CFAP46: variants seen among roughly 807,000 people sequenced by gnomAD.
The protein encoded by CFAP46 is cilia and flagella associated protein 46.
CFAP46 carries 245 observed loss-of-function variants against 325.7 expected under a neutral mutation model. The observed-to-expected ratio is 0.75, with a 90% CI of 0.68 to 0.84. The LOEUF is 0.84. Ranked by LOEUF, CFAP46 falls within the 40% of genes least tolerant of loss-of-function variation. The pLI is 0.00. For missense variants in CFAP46, 3,346 were observed against 3,543.0 expected, an observed-to-expected ratio of 0.94 and a Z score of 1.41; for synonymous variants, 1,523 against 1,495.9, an observed-to-expected ratio of 1.02 and a Z score of -0.42.
Position 132,919,270 on chromosome 10 carries a change from C to A in CFAP46, c.1858+45G>T. On this transcript the variant is annotated intron_variant, in intron 15 of 57. Transcript: ENST00000368586. The surrounding 1 kb of genome is among the most constrained non-coding windows in gnomAD (Gnocchi z 9.7). Reference sequence around the variant, plus strand: ...CACAACCCTTCCCACACCCAGAGGGCGGCCGTGGCCAGGCTGGGACACACT... The same window carrying A: ...CACAACCCTTCCCACACCCAGAGGGAGGCCGTGGCCAGGCTGGGACACACT... The A allele has an allele frequency of 6.6e-7, 1 of 1,520,914 alleles. No homozygotes were observed. The highest frequency in any genetic ancestry group is 8.8e-7 in the Non-Finnish European group (1 of 1,130,144). 94.2% of individuals were successfully genotyped at this position (1,520,914 alleles called of 1,614,324 possible).
rs747871451 is a variant in CFAP46 at position 132,913,212 on chromosome 10, G to T, written c.2167C>A (p.Arg723Ser). The change falls in exon 18 of 58, where the codon CGC becomes AGC. Residue 723 changes from arginine to serine, a missense_variant. Transcript: ENST00000368586. ...ATCTCCTGTCCGATCTCTGCGGAGC[G>T]CAGCCAGTTATTCATGGCACACCGG... ...LSRCAMNNWL[R>S]SAEIGQEIQE... is the part of the protein sequence containing the mutation. The T allele has an allele frequency of 6.4e-7, 1 of 1,550,460 alleles. No individual in the cohort carries two copies. Among genetic ancestry groups the T allele is most frequent in the South Asian group, 1.2e-5 (1 of 84,058 alleles).
rs560427021 is a variant in CFAP46, at chr10:132,828,860, C to T, written c.7117+4498G>A. ...CCTTCCTCCGCTCAGCGTCCTCGTC[C>T]CTTTGCCAGCCACCACCCGGCTGTG... is the stretch of plus-strand genomic sequence containing the variant. On this transcript the variant is annotated intron_variant, in intron 50 of 57. Transcript: ENST00000368586. The surrounding 1 kb of genome is among the most constrained non-coding windows in gnomAD (Gnocchi z 4.9). Among the ~76,000 whole-genome samples the T allele has an allele frequency of 6.6e-6, 1 of 152,220 alleles. No individual in the cohort carries two copies. The highest frequency in any genetic ancestry group is 6.5e-5 in the Admixed American group (1 of 15,298).
In CFAP46 at chr10:132,918,377, C is replaced by T. The variant is rs1271214626; in HGVS notation, c.1986+16G>A. 3 of 1,531,696 alleles carry T rather than the reference C, an allele frequency of 2.0e-6. No homozygotes were observed. The highest frequency in any genetic ancestry group is 2.5e-5 in the East Asian group (1 of 40,380). The allele number at this position is 1,531,696 out of a possible 1,614,324, so 94.9% of individuals were successfully genotyped here. ...ACGCACCTCAGCACCGATGAACCCC[C>T]CTCTCCATGACGCACCTCAGCATGG... On this transcript the variant is annotated intron_variant, in intron 16 of 57. Transcript: ENST00000368586.
chr10:132,857,884 G>T, intron 38 of CFAP46, 96 bp from the exon 39 acceptor site: 2 of 1,091,094 alleles, frequency 1.8e-6, no homozygotes, highest in Non-Finnish European at 2.6e-6. Context: ...TTTTATTAGT[G>T]CTTAAAATGA....
At chr10:132,822,303 C>T (rs1423700920) in intron 50 of CFAP46, among the ~76,000 whole-genome samples, 1 of 90,348 alleles carries the variant, frequency 1.1e-5, no homozygotes, top group Non-Finnish European at 2.1e-5. Flanking sequence ...GATGTGTGCA[C>T]TGTGTGCTGT....
chr10:132,913,406 T>G, intron 17 of CFAP46, 148 bp from the exon 18 acceptor site: 1 of 666,430 alleles, frequency 1.5e-6, no homozygotes, highest in Non-Finnish European at 2.5e-6. Flanking sequence ...CATCTGCATT[T>G]ACAGTCGCCC....
At position 132,939,482 on chromosome 10, in the gene CFAP46, T is replaced by C. The variant is rs900269624; in HGVS notation, c.372-729A>G. Among the ~76,000 whole-genome samples the C allele has an allele frequency of 8.5e-5, 13 of 152,150 alleles. No individual in the cohort carries two copies. Among genetic ancestry groups the C allele is most frequent in the Non-Finnish European group, 1.2e-4 (8 of 68,014 alleles). On this transcript the variant is annotated intron_variant, in intron 4 of 57. Transcript: ENST00000368586. This position sits in a 1 kb window ranked among gnomAD's most constrained non-coding sequence, Gnocchi z 4.6. ...ACAGTGGGGCAGGCCAGCTCTGCCATGTAGGGCCTGTGTGCCTTGTGGTCC... is the reference window on the plus strand; with the variant it reads ...ACAGTGGGGCAGGCCAGCTCTGCCACGTAGGGCCTGTGTGCCTTGTGGTCC...
intron 50 of CFAP46, among the ~76,000 whole-genome samples, chr10:132,815,852 G>A (rs537415667): frequency 6.6e-6 from 1 of 152,258 alleles, no homozygotes; most frequent in South Asian, 2.1e-4. Context: ...TGTATTTTTT[G>A]TGCTGTTCTG....
rs1361007781 is a variant in CFAP46 at position 132,920,126 on chromosome 10, G to A, written c.1663C>T (p.His555Tyr). ...GCAGCTTTGTCCACGCTGACGGTGT[G>A]GTGCCACGCCTTCGCACAGAGGTAG... Reference protein sequence around the residue: ...FTYLCAKAWHHTVSVDKAAGH... With the variant: ...FTYLCAKAWHYTVSVDKAAGH... Residue 555 changes from histidine (H) to tyrosine (Y), a missense_variant, in exon 14 of 58, where the codon CAC becomes TAC. His to Tyr is a moderately conservative substitution (Grantham distance 83). Coordinates refer to ENST00000368586, the MANE Select transcript of CFAP46 (RefSeq NM_001200049.3). 3 of 1,549,264 alleles carry A rather than the reference G, an allele frequency of 1.9e-6. No homozygotes were observed. Among genetic ancestry groups the A allele is most frequent in the African/African-American group, 1.4e-5 (1 of 72,982 alleles).
At chr10:132,894,435 A>C (rs755054612) in intron 24 of CFAP46, among the ~76,000 whole-genome samples, 1 of 152,210 alleles carries the variant, frequency 6.6e-6, no homozygotes, top group Non-Finnish European at 1.5e-5. Context: ...TTACATCATA[A>C]GGAACTAAAA....
At chr10:132,863,588 C>T (rs1848754892) in intron 35 of CFAP46, among the ~76,000 whole-genome samples, 1 of 148,334 alleles carries the variant, frequency 6.7e-6, no homozygotes, top group Non-Finnish European at 1.5e-5. Flanking sequence ...TCCTCACTGC[C>T]TGAGACATGC....
At position 132,936,994 on chromosome 10, in the gene CFAP46, A is replaced by C. The variant is rs745687841; in HGVS notation, c.722T>G (p.Leu241Arg). 2 of 1,545,416 alleles carry C rather than the reference A, an allele frequency of 1.3e-6. No individual in the cohort carries two copies. The highest frequency in any genetic ancestry group is 1.8e-6 in the Non-Finnish European group (2 of 1,136,564). The stretch of plus-strand genomic sequence containing the variant: ...CATATTAATATAGAAAGTGACTGAC[A>C]GGCTAATGGAATTTTTCTTTTCTTC... ...LKEEKKNSIS[L>R]SVTFYINMLK... Residue 241 changes from leucine (L) to arginine (R), a missense_variant, in exon 7 of 58, where the codon CTG (leucine) becomes CGG (arginine). By Grantham distance (102) the Leu-to-Arg change is moderately radical. Coordinates refer to ENST00000368586, the MANE Select transcript of CFAP46 (RefSeq NM_001200049.3).
rs935884416 is a variant in CFAP46 at position 132,847,673 on chromosome 10, C to T, written c.5953-352G>A. Among the ~76,000 whole-genome samples the T allele has an allele frequency of 2.0e-4, 31 of 152,048 alleles. No individual in the cohort carries two copies. The highest frequency in any genetic ancestry group is 6.8e-4 in the African/African-American group (28 of 41,396). On this transcript the variant is annotated intron_variant, in intron 41 of 57. Coordinates refer to ENST00000368586, the MANE Select transcript of CFAP46 (RefSeq NM_001200049.3). The surrounding 1 kb of genome is among the most constrained non-coding windows in gnomAD (Gnocchi z 5.2). The stretch of plus-strand genomic sequence containing the variant: ...TCCTGTCCTTTGGAAACACCTCTCC[C>T]GGAACCAGCCAGCACTGAGGCTGAG...
intron 17 of CFAP46, 75 bp from the exon 18 acceptor site, chr10:132,913,333 GC>G: frequency 9.1e-7 from 1 of 1,102,088 alleles, no homozygotes; most frequent in African/African-American, 1.6e-5. Context: ...AGGCTGCGGG[GC>G]CTGTTAGGAA....
intron 34 of CFAP46, among the ~76,000 whole-genome samples, 194 bp downstream of exon 34, chr10:132,867,181 C>A (rs1848826663): frequency 6.7e-6 from 1 of 149,518 alleles, no homozygotes; most frequent in Non-Finnish European, 1.5e-5. Flanking sequence ...CACTGACACA[C>A]ACACAGGCCG....
intron 9 of CFAP46, chr10:132,929,242 A>G (rs920661952): frequency 1.8e-6 from 1 of 561,568 alleles, no homozygotes; most frequent in African/African-American, 1.9e-5. Flanking sequence ...TCATAACACT[A>G]TACTGTAACA....
rs1413603835 is a variant in CFAP46, at chr10:132,918,464, C to T, written c.1915G>A (p.Val639Ile). The T allele has an allele frequency of 6.5e-7, 1 of 1,548,694 alleles. No individual in the cohort carries two copies. Among genetic ancestry groups the T allele is most frequent in the South Asian group, 1.2e-5 (1 of 83,982 alleles). The change falls in exon 16 of 58, where the codon GTC becomes ATC. Residue 639 changes from valine to isoleucine, a missense_variant. Val to Ile is a conservative substitution (Grantham distance 29). Coordinates refer to ENST00000368586, the MANE Select transcript of CFAP46 (RefSeq NM_001200049.3). ...SVQDTWSQPE[V>I]VLQRQVCPDL... ...GGGCACACCTGCCTCTGCAGGACGA[C>T]CTCAGGCTGGCTCCAGGTGTCCTGC...
chr10:132,881,175 T>C, intron 27 of CFAP46, 143 bp from the exon 28 acceptor site: 1 of 770,842 alleles, frequency 1.3e-6, no homozygotes. Flanking sequence ...CCGCCTCTAA[T>C]GAGACCAAGT....
intron 4 of CFAP46, among the ~76,000 whole-genome samples, chr10:132,940,793 A>G (rs4242712): frequency 0.55 from 83,094 of 152,082 alleles, 23,505 homozygotes; most frequent in African/African-American, 0.68. Context: ...GCCGAGTGCA[A>G]AAGAGGCTGT....
Sources: gnomAD v4.1 joint callset for allele counts (sites outside exome capture counted in the v4.1 genomes callset) on GRCh38, gnomAD v4.1.1 for gene constraint, Gnocchi (gnomAD v3.1) non-coding constraint, MANE v1.5 for transcripts, NCBI Gene and HGNC (gene_info 2026-07-23, HGNC 2026-07-21) for gene names.